The following ZFHX3 variants were observed in gnomAD, a reference collection of about 807,000 sequenced individuals.
ZFHX3 encodes the protein zinc finger homeobox protein 3.
In ZFHX3, 42 loss-of-function variants were observed where a neutral mutation model predicts 279.1. The ratio of observed to expected loss-of-function variants is 0.15; its 90% confidence interval spans 0.12 to 0.19. The LOEUF is 0.19. Ranked by LOEUF, ZFHX3 falls within the 10% of genes least tolerant of loss-of-function variation. The pLI, the probability that ZFHX3 is intolerant of heterozygous loss-of-function variation, is 1.00. For missense variants in ZFHX3, 4,981 were observed against 4,754.0 expected (o/e 1.05, Z -1.40); for synonymous variants, 2,293 against 1,957.8 (o/e 1.17, Z -4.52).
intron 4 of ZFHX3, among the ~76,000 whole-genome samples, chr16:73,309,823 G>C (rs2015281037): frequency 1.3e-5 from 2 of 151,680 alleles, no homozygotes; most frequent in Admixed American, 1.3e-4. Context: ...TCTGAGACCT[G>C]TGAGGACAAA....
intron 3 of ZFHX3, among the ~76,000 whole-genome samples, chr16:73,439,932 AC>A (rs2018060205): frequency 0.016 from 1,716 of 107,696 alleles, 43 homozygotes; most frequent in African/African-American, 0.066. Flanking sequence ...AAAAAAAAAA[AC>A]ACAAAAAAAA....
chr16:73,387,917 C>T (rs900051410), intron 3 of ZFHX3, among the ~76,000 whole-genome samples: 2 of 151,746 alleles, frequency 1.3e-5, no homozygotes, highest in Non-Finnish European at 2.9e-5. Context: ...GAATAGCTCG[C>T]CTAGTTAAAG....
In ZFHX3 at chr16:72,788,175, G is replaced by A. The variant is rs369077284; in HGVS notation, c.10101C>T (p.Tyr3367=). 19 of 1,612,180 alleles carry A rather than the reference G, an allele frequency of 1.2e-5. No individual in the cohort carries two copies. The highest frequency in any genetic ancestry group is 5.3e-5 in the African/African-American group (4 of 74,890). Residue 3367 remains tyrosine (Y), a synonymous_variant, in exon 10 of 10, where the codon TAC becomes TAT. Coordinates refer to ENST00000268489, the MANE Select transcript of ZFHX3 (RefSeq NM_006885.4). ...PGSLLQQYQQ[Y]QQSLQEAIQQ... ...GAATTGCCTCCTGCAGACTCTGCTG[G>A]TATTGCTGGTACTGCTGCAGTAGGG...
intron 5 of ZFHX3, among the ~76,000 whole-genome samples, chr16:73,146,677 T>A (rs978007413): frequency 2.6e-5 from 4 of 152,108 alleles, no homozygotes; most frequent in Admixed American, 2.6e-4. Context: ...ATTATTATTA[T>A]TTTTTGAGAC....
chr16:73,155,679 T>A (rs13334546), intron 5 of ZFHX3, among the ~76,000 whole-genome samples: 1 of 151,804 alleles, frequency 6.6e-6, no homozygotes, highest in Non-Finnish European at 1.5e-5. Context: ...AAAAATTAGC[T>A]GGGCATGGCG....
intron 8 of ZFHX3, among the ~76,000 whole-genome samples, chr16:73,091,735 T>C (rs773776702): frequency 1.4e-4 from 21 of 152,220 alleles, no homozygotes; most frequent in Non-Finnish European, 2.4e-4. Flanking sequence ...TCGCAAAATA[T>C]AGCATTTGAC....
intron 5 of ZFHX3, among the ~76,000 whole-genome samples, chr16:73,181,031 T>C (rs1967780099): frequency 6.6e-6 from 1 of 152,136 alleles, no homozygotes. Context: ...CTTGGAGTAA[T>C]TTGTGTAGGC....
At chr16:73,112,899 CA>C (rs1272611514) in intron 7 of ZFHX3, among the ~76,000 whole-genome samples, 2 of 151,918 alleles carry the variant, frequency 1.3e-5, no homozygotes, top group East Asian at 3.9e-4. Flanking sequence ...TGCACAGCCC[CA>C]TCGGAGCCAG....
chr16:73,608,314 C>T (rs1298315776), intron 2 of ZFHX3, among the ~76,000 whole-genome samples: 2 of 152,140 alleles, frequency 1.3e-5, no homozygotes, highest in Non-Finnish European at 2.9e-5. Context: ...GTGCTCAGAG[C>T]GTCCCACCAT....
chr16:73,678,204 T>C (rs927652378), intron 2 of ZFHX3, among the ~76,000 whole-genome samples: 1 of 152,146 alleles, frequency 6.6e-6, no homozygotes, highest in African/African-American at 2.4e-5. Flanking sequence ...ATAACAGGAA[T>C]GAGTAAAACT....
rs142294608 is a variant in ZFHX3 at position 73,371,971 on chromosome 16, G to A, written c.-1290-53635C>T. ...TTTCAAGCCTAAACATCAGTGCTGC[G>A]TTCACATGCACATGTCACGCGAATT... is the stretch of plus-strand genomic sequence containing the variant. On this transcript the variant is annotated intron_variant, in intron 3 of 17. Coordinates refer to the ZFHX3 transcript ENST00000641206. Among the ~76,000 whole-genome samples the A allele has an allele frequency of 3.0e-4, 45 of 152,274 alleles. 1 individual carries two copies. The East Asian group carries it at 5.6e-3, about 19-fold the overall frequency.
intron 2 of ZFHX3, among the ~76,000 whole-genome samples, chr16:73,678,744 T>C (rs538482914): frequency 6.6e-6 from 1 of 152,174 alleles, no homozygotes; most frequent in African/African-American, 2.4e-5. Flanking sequence ...CTGTATATAT[T>C]CGCTCTGTGC....
chr16:73,398,520 G>C (rs117970724), intron 3 of ZFHX3, among the ~76,000 whole-genome samples: 368 of 152,318 alleles, frequency 2.4e-3, no homozygotes, highest in Non-Finnish European at 4.4e-3. Flanking sequence ...AGTTGTGTGA[G>C]CCAGTTATTA....
In ZFHX3 at chr16:73,260,400, A is replaced by G. The variant is rs557117204; in HGVS notation, c.-1193-3264T>C. On this transcript the variant is annotated intron_variant, in intron 4 of 17. Transcript: ENST00000641206. The stretch of plus-strand genomic sequence containing the variant: ...TGTTTATATCAGCATGGACTCATGG[A>G]TTTAATGAGTTATACTGTGCTACTA... Among the ~76,000 whole-genome samples, 27 of 152,260 alleles carry G rather than the reference A, an allele frequency of 1.8e-4. 1 individual carries two copies. Among genetic ancestry groups the G allele is most frequent in the Admixed American group, 1.1e-3 (17 of 15,288 alleles).
chr16:73,058,302 G>T (rs1965610876), intron 1 of ZFHX3, among the ~76,000 whole-genome samples: 1 of 146,798 alleles, frequency 6.8e-6, no homozygotes, highest in African/African-American at 2.5e-5. Context: ...AGAAAGTTTG[G>T]CGTAGGGGGA....
intron 4 of ZFHX3, among the ~76,000 whole-genome samples, chr16:72,842,237 AG>A: frequency 6.6e-6 from 1 of 150,684 alleles, no homozygotes; most frequent in South Asian, 2.1e-4. Context: ...TCTTTTTTTG[AG>A]ACAAGGTCTT....
intron 4 of ZFHX3, among the ~76,000 whole-genome samples, chr16:73,270,882 T>G (rs1415826936): frequency 2.6e-5 from 4 of 152,136 alleles, no homozygotes; most frequent in Non-Finnish European, 5.9e-5. Flanking sequence ...AGAAGCCAGG[T>G]TGCAATTAGA....
At chr16:73,555,566 C>T (rs1188143681) in intron 2 of ZFHX3, among the ~76,000 whole-genome samples, 1 of 151,976 alleles carries the variant, frequency 6.6e-6, no homozygotes, top group East Asian at 2.0e-4. Context: ...TGCCGGGGCT[C>T]ACGCCTGTAA....
chr16:72,887,838 G>C (rs1447700464), intron 4 of ZFHX3, among the ~76,000 whole-genome samples: 1 of 152,032 alleles, frequency 6.6e-6, no homozygotes, highest in Non-Finnish European at 1.5e-5. Flanking sequence ...ATGTGAGCGT[G>C]GATGGAATGT....
Sources: allele counts gnomAD v4.1 joint callset (sites outside exome capture counted in the v4.1 genomes callset), GRCh38; gene constraint gnomAD v4.1.1; transcripts MANE v1.5; gene names NCBI Gene and HGNC (gene_info 2026-07-23, HGNC 2026-07-21).